Variants in ALG11 observed in about 807,000 individuals in gnomAD.
The protein encoded by ALG11 is GDP-Man:Man(3)GlcNAc(2)-PP-Dol alpha-1,2-mannosyltransferase.
Under a neutral mutation model 38.8 loss-of-function variants are expected in ALG11, and 26 were observed. The ratio of observed to expected loss-of-function variants is 0.67; its 90% confidence interval spans 0.49 to 0.93. The LOEUF is 0.93. Ranked by LOEUF, ALG11 falls within the 40% of genes least tolerant of loss-of-function variation. The pLI, the probability that ALG11 is intolerant of heterozygous loss-of-function variation, is 0.00. For synonymous variants in ALG11, 199 were observed against 211.6 expected, an observed-to-expected ratio of 0.94 and a Z score of 0.52; for missense variants, 535 against 578.8, an observed-to-expected ratio of 0.92 and a Z score of 0.78.
chr13:52,013,930 A>G (rs1226712620), intron 1 of ALG11, among the ~76,000 whole-genome samples: 2 of 152,208 alleles, frequency 1.3e-5, no homozygotes, highest in African/African-American at 2.4e-5. Flanking sequence ...ATAGCGGATA[A>G]AACTAAGTGA....
At position 52,030,017 on chromosome 13, in the gene ALG11, A is replaced by G. The variant is rs941883374; in HGVS notation, c.*1427A>G. ...GCTTGCAGCTCATGAGGTTTCTGCA[A>G]GTGAGGCAGAAGAAAGACCAGTGGC... On this transcript the variant is annotated 3_prime_UTR_variant, in exon 4 of 4. Transcript: ENST00000521508. 3.7e-6 allele frequency: 6 copies of G among 1,614,236 alleles called. No individual in the cohort carries two copies. The highest frequency in any genetic ancestry group is 1.7e-5 in the Admixed American group (1 of 60,026).
At position 52,030,932 on chromosome 13, in the gene ALG11, A is replaced by T. The variant is rs781153694; in HGVS notation, c.*2342A>T. 2 of 1,614,216 alleles carry T rather than the reference A, an allele frequency of 1.2e-6. No individual in the cohort carries two copies. Among genetic ancestry groups the T allele is most frequent in the African/African-American group, 2.7e-5 (2 of 75,054 alleles). ...TATAGGATCCACATGGAACACCCAGAGGGCTTTCCAAAAGCTGACTACTCC... is the reference window on the plus strand; with the variant it reads ...TATAGGATCCACATGGAACACCCAGTGGGCTTTCCAAAAGCTGACTACTCC... On this transcript the variant is annotated 3_prime_UTR_variant, in exon 4 of 4. Coordinates refer to ENST00000521508, the MANE Select transcript of ALG11 (RefSeq NM_001004127.3).
In ALG11 at chr13:52,030,398, G is replaced by C. The variant is rs767239435; in HGVS notation, c.*1808G>C. ...TAAGGAGCTTCCCAGACCTGTGTTA[G>C]AAGGACAGCAGTCAGAGAGGACCCC... On this transcript the variant is annotated 3_prime_UTR_variant, in exon 4 of 4. Coordinates refer to ENST00000521508, the MANE Select transcript of ALG11 (RefSeq NM_001004127.3). 7 of 1,614,204 alleles carry C rather than the reference G, an allele frequency of 4.3e-6. No homozygotes were observed. In the South Asian group the frequency reaches 7.7e-5, roughly 18 times the overall value.
chr13:52,024,921 C>A lies in ALG11; in HGVS notation c.1191C>A (p.Asn397Lys), dbSNP rs141089354. Residue 397 changes from asparagine (N) to lysine (K), a missense_variant, in exon 3 of 4, where the codon AAC becomes AAA. Physicochemically the swap from Asn to Lys is moderately conservative, Grantham distance 94. Transcript: ENST00000521508. ...EATIGLHTMW[N>K]EHFGIGVVEC... ...CAATTGGTCTGCATACCATGTGGAA[C>A]GAGCATTTTGGGATTGGTGAGTTTG... 3.1e-6 allele frequency: 5 copies of A among 1,610,152 alleles called. No homozygotes were observed. The highest frequency in any genetic ancestry group is 4.2e-6 in the Non-Finnish European group (5 of 1,180,008).
chr13:52,028,570 G>C lies in ALG11; in HGVS notation c.1459G>C (p.Val487Leu), dbSNP rs906301474. The C allele has an allele frequency of 6.2e-7, 1 of 1,614,118 alleles. No individual in the cohort carries two copies. The highest frequency in any genetic ancestry group is 8.5e-7 in the Non-Finnish European group (1 of 1,179,970). Residue 487 changes from valine to leucine, a missense_variant, in exon 4 of 4, where the codon GTG becomes CTG. Coordinates refer to ENST00000521508, the MANE Select transcript of ALG11 (RefSeq NM_001004127.3). ...QEFEVTFLSSVEKLFK is the reference protein window; with the variant it reads ...QEFEVTFLSSLEKLFK ...ATTTGAAGTGACATTCCTATCATCT[G>C]TGGAAAAGTTATTTAAGTAATGCCA... is the stretch of plus-strand genomic sequence containing the variant.
Position 52,028,515 on chromosome 13 carries a change from T to C in ALG11, c.1404T>C (p.Arg468=), listed in dbSNP as rs373930425. The part of the protein sequence containing the change: ...EKRLQIRKSA[R]ASVSRFSDQE... ...GACTCCAAATCAGAAAAAGTGCTCG[T>C]GCATCTGTAAGCAGATTCTCTGATC... is the stretch of plus-strand genomic sequence containing the variant. Residue 468 remains arginine, a synonymous_variant, in exon 4 of 4, where the codon CGT becomes CGC. Transcript: ENST00000521508. The C allele has an allele frequency of 8.1e-6, 13 of 1,614,218 alleles. No individual in the cohort carries two copies. Among genetic ancestry groups the C allele is most frequent in the Non-Finnish European group, 9.3e-6 (11 of 1,180,012 alleles).
rs766801607 is a variant in ALG11 at position 52,031,131 on chromosome 13, CAG to C, written c.*2542_*2543del. The C allele has an allele frequency of 2.5e-5, 40 of 1,580,480 alleles. No individual in the cohort carries two copies. The highest frequency in any genetic ancestry group is 5.3e-5 in the Admixed American group (3 of 56,242). On this transcript the variant is annotated 3_prime_UTR_variant, in exon 4 of 4. Transcript: ENST00000521508. ...GTTGTGTAGCTGGAGAAGTGACAGT[CAG>C]GGGCCCTGATTCCACTTCCTTTGGT... is the stretch of plus-strand genomic sequence containing the variant.
In ALG11 at chr13:52,032,391, ATAAC is replaced by A. The variant is rs1267965160; in HGVS notation, c.*3804_*3807del. The A allele has an allele frequency of 6.0e-6, 1 of 167,122 alleles. No homozygotes were observed. The allele number at this position is 167,122 out of a possible 1,614,324, so 10.4% of individuals were successfully genotyped here. ...AAATTTAATGCACCTTCTATCCTGA[ATAAC>A]TAGCATGGAAAAGTGAATATATGTG... On this transcript the variant is annotated 3_prime_UTR_variant, in exon 4 of 4. Coordinates refer to ENST00000521508, the MANE Select transcript of ALG11 (RefSeq NM_001004127.3).
In ALG11 at chr13:52,032,049, G is replaced by A. The variant is rs570540013; in HGVS notation, c.*3459G>A. 6.5e-6 allele frequency: 1 copy of A among 154,114 alleles called. No homozygotes were observed. The highest frequency in any genetic ancestry group is 2.4e-5 in the African/African-American group (1 of 41,412). The allele number at this position is 154,114 out of a possible 1,614,324, so 9.5% of individuals were successfully genotyped here. A position where few individuals can be genotyped will look rare whatever the true frequency, so the allele number is the denominator to read the frequency against. ...AGCCTGAACAACATGGTGAAACCCT[G>A]TCTGTACTAAAAATACAAAAAAATT... On this transcript the variant is annotated 3_prime_UTR_variant, in exon 4 of 4. Transcript: ENST00000521508.
In ALG11 at chr13:52,019,143, A is replaced by G. The variant is rs749740546; in HGVS notation, c.275A>G (p.Lys92Arg). The change falls in exon 2 of 4, where the codon AAG (lysine) becomes AGG (arginine). Residue 92 changes from lysine to arginine, a missense_variant and splice_region_variant. Lys to Arg is a conservative substitution (Grantham distance 26). Coordinates refer to ENST00000521508, the MANE Select transcript of ALG11 (RefSeq NM_001004127.3). ...TGTGCTTTAAGAGCCCTGCAGAAAA[A>G]GTAGGTATCCATCTTTCTTAGCTAA... ...LWCALRALQK[K>R]YPEAVYVVYT... 2 of 1,610,258 alleles carry G rather than the reference A, an allele frequency of 1.2e-6. No homozygotes were observed. The highest frequency in any genetic ancestry group is 2.2e-5 in the South Asian group (2 of 90,974).
At chr13:52,027,904 A>G (rs929384774) in intron 3 of ALG11, among the ~76,000 whole-genome samples, 6 of 152,120 alleles carry the variant, frequency 3.9e-5, no homozygotes, top group African/African-American at 1.4e-4. Flanking sequence ...TTTTTTAATT[A>G]TCTGCAATAT....
rs778686659 is a variant in ALG11, at chr13:52,018,904, T to C, written c.45-9T>C. ...CACATTGATTCTCAACTTTGTCCTCTTATTTCAGGTTTTTTTATTCATTAT... is the reference window on the plus strand; with the variant it reads ...CACATTGATTCTCAACTTTGTCCTCCTATTTCAGGTTTTTTTATTCATTAT... On this transcript the variant is annotated splice_polypyrimidine_tract_variant and intron_variant, in intron 1 of 3. Coordinates refer to ENST00000521508, the MANE Select transcript of ALG11 (RefSeq NM_001004127.3). The C allele has an allele frequency of 1.2e-6, 2 of 1,611,904 alleles. No homozygotes were observed. The highest frequency in any genetic ancestry group is 1.7e-6 in the Non-Finnish European group (2 of 1,178,006).
At position 52,030,922 on chromosome 13, in the gene ALG11, G is replaced by A; in HGVS notation, c.*2332G>A. On this transcript the variant is annotated 3_prime_UTR_variant, in exon 4 of 4. Transcript: ENST00000521508. Reference sequence around the variant, plus strand: ...TCCAGACCCCTATAGGATCCACATGGAACACCCAGAGGGCTTTCCAAAAGC... The same window carrying A: ...TCCAGACCCCTATAGGATCCACATGAAACACCCAGAGGGCTTTCCAAAAGC... 6.2e-7 allele frequency: 1 copy of A among 1,614,060 alleles called. No individual in the cohort carries two copies. The highest frequency in any genetic ancestry group is 8.5e-7 in the Non-Finnish European group (1 of 1,180,024).
At chr13:52,020,359 C>G (rs1195494586) in intron 2 of ALG11, among the ~76,000 whole-genome samples, 2 of 152,130 alleles carry the variant, frequency 1.3e-5, no homozygotes, top group Non-Finnish European at 2.9e-5. Context: ...CATGGTTACC[C>G]TACTTCCTGG....
At position 52,012,450 on chromosome 13, in the gene ALG11, G is replaced by C. The variant is rs1305173453; in HGVS notation, c.32G>C (p.Cys11Ser). Residue 11 changes from cysteine to serine, a missense_variant, in exon 1 of 4, where the codon TGC becomes TCC. By Grantham distance (112) the Cys-to-Ser change is moderately radical. Transcript: ENST00000521508. MAAGERSWCL[C>S]KLLRFFYSLF... ...GCCGGCGAAAGGAGCTGGTGCCTGT[G>C]CAAGTTGTTGAGGTGAGCAGCCGGT... The C allele has an allele frequency of 1.2e-6, 2 of 1,614,016 alleles. No homozygotes were observed. Among genetic ancestry groups the C allele is most frequent in the Non-Finnish European group, 1.7e-6 (2 of 1,180,054 alleles).
Position 52,028,862 on chromosome 13 carries a change from G to T in ALG11, c.*272G>T. ...TTTGAGCCACCAGGAAGAACTAGTGGATTTGCCAAAAAACTACCCCTTGAG... is the reference window on the plus strand; with the variant it reads ...TTTGAGCCACCAGGAAGAACTAGTGTATTTGCCAAAAAACTACCCCTTGAG... On this transcript the variant is annotated 3_prime_UTR_variant, in exon 4 of 4. Transcript: ENST00000521508. 1 of 1,614,236 alleles carries T rather than the reference G, an allele frequency of 6.2e-7. No individual in the cohort carries two copies. Among genetic ancestry groups the T allele is most frequent in the Admixed American group, 1.7e-5 (1 of 60,028 alleles).
intron 2 of ALG11, among the ~76,000 whole-genome samples, chr13:52,019,614 T>G (rs1954168121): frequency 6.6e-6 from 1 of 152,180 alleles, no homozygotes; most frequent in South Asian, 2.1e-4. Context: ...ACATACCTTA[T>G]ATGATCTTAT....
intron 1 of ALG11, among the ~76,000 whole-genome samples, chr13:52,012,960 CTG>C (rs1330517010): frequency 6.6e-6 from 1 of 152,062 alleles, no homozygotes; most frequent in African/African-American, 2.4e-5. Flanking sequence ...TTTTGATAAT[CTG>C]TTACTTTAAT....
chr13:52,021,694 C>G (rs930583927), intron 2 of ALG11: 1 of 152,298 alleles, frequency 6.6e-6, no homozygotes, highest in Non-Finnish European at 1.5e-5. Flanking sequence ...CATACTGTTG[C>G]AATTAGATGG....
Sources: gnomAD v4.1 joint callset for allele counts (sites outside exome capture counted in the v4.1 genomes callset) on GRCh38, gnomAD v4.1.1 for gene constraint, MANE v1.5 for transcripts, NCBI Gene and HGNC (gene_info 2026-07-23, HGNC 2026-07-21) for gene names.